The following AGBL4 variants were observed in gnomAD, a reference collection of about 807,000 sequenced individuals.
AGBL4 encodes AGBL carboxypeptidase 4, also known as cytosolic carboxypeptidase 6.
Under a neutral mutation model 66.4 loss-of-function variants are expected in AGBL4, and 58 were observed. That is an observed-to-expected ratio of 0.87 (90% CI 0.71 to 1.09). AGBL4 has a LOEUF of 1.09. Among genes scored for constraint, AGBL4 ranks in the 50% least tolerant of loss-of-function variants. AGBL4 has a pLI of 0.00. For missense variants in AGBL4, 579 were observed against 631.0 expected, an observed-to-expected ratio of 0.92 and a Z score of 0.88; for synonymous variants, 234 against 222.9, an observed-to-expected ratio of 1.05 and a Z score of -0.44.
chr1:48,900,410 AT>A (rs1651970064), intron 5 of AGBL4, among the ~76,000 whole-genome samples: 1 of 152,248 alleles, frequency 6.6e-6, no homozygotes, highest in African/African-American at 2.4e-5. Context: ...TCATATGAAA[AT>A]GCAAAGGACC....
chr1:48,621,115 G>C (rs1169182358), intron 9 of AGBL4, among the ~76,000 whole-genome samples: 1 of 151,456 alleles, frequency 6.6e-6, no homozygotes, highest in African/African-American at 2.5e-5. Context: ...GGAAGGGATA[G>C]GGAAATTCCC....
chr1:48,815,656 T>C (rs2148763339), intron 6 of AGBL4, among the ~76,000 whole-genome samples: 2 of 152,292 alleles, frequency 1.3e-5, no homozygotes, highest in East Asian at 1.9e-4. Flanking sequence ...ACTCAGTATC[T>C]ATAGAGCACC....
intron 5 of AGBL4, among the ~76,000 whole-genome samples, chr1:48,996,155 A>T (rs1207001975): frequency 6.6e-6 from 1 of 152,226 alleles, no homozygotes; most frequent in African/African-American, 2.4e-5. Context: ...GTGATGAAAA[A>T]TACCTGAGTT....
intron 1 of AGBL4, among the ~76,000 whole-genome samples, chr1:49,927,604 TC>T (rs1652905733): frequency 6.6e-6 from 1 of 151,630 alleles, no homozygotes; most frequent in Non-Finnish European, 1.5e-5. Context: ...GGATTACAAT[TC>T]AAGATGAGAT....
intron 3 of AGBL4, among the ~76,000 whole-genome samples, chr1:49,390,104 A>T (rs1043960213): frequency 3.9e-5 from 6 of 152,198 alleles, no homozygotes; most frequent in Non-Finnish European, 5.9e-5. Context: ...AGAAAAAAAA[A>T]TAATGATTAC....
chr1:49,469,975 GATTCA>G lies in AGBL4; in HGVS notation c.283-224116_283-224112del, dbSNP rs1416219695. 4.0e-5 allele frequency: 6 copies of G among 151,846 alleles called. No individual in the cohort carries two copies. In the East Asian group the frequency reaches 9.7e-4, roughly 25 times the overall value. 9.4% of individuals were successfully genotyped at this position (151,846 alleles called of 1,614,324 possible). ...CCTAATAGTGTGTCCTCGGGTAAAT[GATTCA>G]ATATCCCCTAGTCTCAGTCTCTCTA... On this transcript the variant is annotated intron_variant, in intron 3 of 13. Transcript: ENST00000371839.
intron 3 of AGBL4, among the ~76,000 whole-genome samples, chr1:49,558,252 A>T (rs1319654457): frequency 6.6e-6 from 1 of 152,108 alleles, no homozygotes; most frequent in East Asian, 1.9e-4. Context: ...AGAGAAAAAA[A>T]TAAAGGGGAC....
intron 1 of AGBL4, among the ~76,000 whole-genome samples, chr1:49,869,015 A>C (rs1053051988): frequency 6.6e-6 from 1 of 152,226 alleles, no homozygotes; most frequent in Non-Finnish European, 1.5e-5. Flanking sequence ...ATCACTGATC[A>C]TTAGAGAAAT....
At chr1:48,869,999 C>T (rs1570882707) in intron 5 of AGBL4, among the ~76,000 whole-genome samples, 2 of 152,178 alleles carry the variant, frequency 1.3e-5, no homozygotes, top group East Asian at 3.9e-4. Context: ...ATTATCCTTT[C>T]AAACCTCCAT....
intron 3 of AGBL4, among the ~76,000 whole-genome samples, chr1:49,419,689 C>T (rs927516107): frequency 6.6e-6 from 1 of 152,156 alleles, no homozygotes; most frequent in African/African-American, 2.4e-5. Flanking sequence ...AAATCCTTAT[C>T]CTCAGTGTTC....
At chr1:49,976,117 C>T (rs1658532504) in intron 1 of AGBL4, among the ~76,000 whole-genome samples, 1 of 152,162 alleles carries the variant, frequency 6.6e-6, no homozygotes, top group Non-Finnish European at 1.5e-5. Flanking sequence ...TTAGAGGAGA[C>T]AAACAGGCTT....
At chr1:49,228,125 G>C (rs1050110402) in intron 4 of AGBL4, among the ~76,000 whole-genome samples, 2 of 152,162 alleles carry the variant, frequency 1.3e-5, no homozygotes, top group Non-Finnish European at 2.9e-5. Context: ...AGGGAAATAT[G>C]TTATTAATCT....
intron 4 of AGBL4, among the ~76,000 whole-genome samples, chr1:49,199,929 C>T (rs751867032): frequency 4.1e-4 from 62 of 152,068 alleles, no homozygotes; most frequent in Non-Finnish European, 7.1e-4. Flanking sequence ...CATCCCTGTC[C>T]CATAGCCATG....
At chr1:49,944,348 G>C (rs1245593421) in intron 1 of AGBL4, among the ~76,000 whole-genome samples, 1 of 152,092 alleles carries the variant, frequency 6.6e-6, no homozygotes, top group Non-Finnish European at 1.5e-5. Flanking sequence ...CCACGGCTAA[G>C]AGAACCTCAG....
chr1:48,571,804 C>T (rs1644568597), intron 11 of AGBL4, among the ~76,000 whole-genome samples: 2 of 152,202 alleles, frequency 1.3e-5, no homozygotes, highest in African/African-American at 4.8e-5. Context: ...ACAAACCTTT[C>T]CTGTAGGACA....
intron 6 of AGBL4, among the ~76,000 whole-genome samples, chr1:48,755,213 G>A (rs570743387): frequency 1.4e-4 from 22 of 152,258 alleles, no homozygotes; most frequent in Admixed American, 5.2e-4. Flanking sequence ...GGCTGCTGAC[G>A]GACCTGCTTC....
chr1:49,034,915 T>C (rs1664519357), intron 5 of AGBL4, among the ~76,000 whole-genome samples: 1 of 152,108 alleles, frequency 6.6e-6, no homozygotes, highest in Admixed American at 6.6e-5. Flanking sequence ...ACGCTAAAAT[T>C]TCTGAGTGAA....
intron 3 of AGBL4, among the ~76,000 whole-genome samples, chr1:49,614,040 T>A (rs1028743013): frequency 1.3e-5 from 2 of 152,200 alleles, no homozygotes; most frequent in East Asian, 3.9e-4. Flanking sequence ...TTTGCTATGA[T>A]CTTGACAAAC....
chr1:48,929,611 AC>A (rs1298190242), intron 5 of AGBL4, among the ~76,000 whole-genome samples: 4 of 152,070 alleles, frequency 2.6e-5, no homozygotes, highest in African/African-American at 9.6e-5. Context: ...TTAACTATAA[AC>A]TCCATTGAAG....
Sources: gnomAD v4.1 joint callset for allele counts (sites outside exome capture counted in the v4.1 genomes callset) on GRCh38, gnomAD v4.1.1 for gene constraint, MANE v1.5 for transcripts, NCBI Gene and HGNC (gene_info 2026-07-23, HGNC 2026-07-21) for gene names.